The following RBFOX1 variants were observed in gnomAD, a reference collection of about 807,000 sequenced individuals.
RBFOX1 encodes RNA binding protein fox-1 homolog 1.
In RBFOX1, 8 loss-of-function variants were observed where a neutral mutation model predicts 57.7. The observed-to-expected ratio is 0.14, with a 90% CI of 0.08 to 0.25. RBFOX1 has a LOEUF of 0.25. RBFOX1 is among the 10% of genes least tolerant of loss of function. The probability of loss-of-function intolerance (pLI) is 1.00; values close to 1 mark genes in which losing one functional copy is unlikely to be tolerated. For synonymous variants in RBFOX1, 326 were observed against 222.4 expected (o/e 1.47, Z -4.15); for missense variants, 611 against 548.5 (o/e 1.11, Z -1.14).
intron 3 of RBFOX1, among the ~76,000 whole-genome samples, chr16:6,978,134 G>A (rs1486084306): frequency 1.4e-5 from 2 of 145,590 alleles, no homozygotes; most frequent in African/African-American, 2.5e-5. Flanking sequence ...CACAACAGCC[G>A]GGCATGATGC....
At chr16:5,862,958 C>G (rs1037633537) in intron 3 of RBFOX1, among the ~76,000 whole-genome samples, 16 of 152,248 alleles carry the variant, frequency 1.1e-4, no homozygotes, top group African/African-American at 3.9e-4. Flanking sequence ...TCCATTAACT[C>G]AGTCCGGACA....
intron 4 of RBFOX1, among the ~76,000 whole-genome samples, chr16:7,245,347 A>G (rs1219674577): frequency 6.6e-6 from 1 of 152,066 alleles, no homozygotes; most frequent in Non-Finnish European, 1.5e-5. Context: ...AGGTTCCAAG[A>G]TACATGTACA....
intron 1 of RBFOX1, among the ~76,000 whole-genome samples, chr16:6,257,053 G>C (rs2097672187): frequency 6.6e-6 from 1 of 152,118 alleles, no homozygotes; most frequent in African/African-American, 2.4e-5. Flanking sequence ...AGGAAGCACA[G>C]GGGTCATTTT....
chr16:5,389,214 A>AATAC (rs1270858457), intron 1 of RBFOX1, among the ~76,000 whole-genome samples: 1 of 151,854 alleles, frequency 6.6e-6, no homozygotes, highest in Admixed American at 6.6e-5. Context: ...TAAATAAATA[A>AATAC]AGGTAAGGTA....
intron 3 of RBFOX1, among the ~76,000 whole-genome samples, chr16:6,718,280 G>T (rs1372354581): frequency 6.6e-6 from 1 of 152,116 alleles, no homozygotes; most frequent in East Asian, 1.9e-4. Flanking sequence ...CACGTGCTGG[G>T]GTTGGAGTGG....
At chr16:6,954,040 A>G (rs2081287310) in intron 3 of RBFOX1, among the ~76,000 whole-genome samples, 1 of 152,184 alleles carries the variant, frequency 6.6e-6, no homozygotes, top group Admixed American at 6.5e-5. Context: ...ATATACCCCT[A>G]ATATGGCAAG....
chr16:6,854,705 C>A (rs1056437098), intron 3 of RBFOX1, among the ~76,000 whole-genome samples: 1 of 147,902 alleles, frequency 6.8e-6, no homozygotes, highest in South Asian at 2.2e-4. Context: ...AGTCGTTCTC[C>A]TGCGTCAGCC....
chr16:6,503,876 C>T (rs555030174), intron 2 of RBFOX1, among the ~76,000 whole-genome samples: 2 of 152,280 alleles, frequency 1.3e-5, no homozygotes, highest in Admixed American at 1.3e-4. Flanking sequence ...CTCTTTAAGG[C>T]AAGCCATGCA....
intron 5 of RBFOX1, among the ~76,000 whole-genome samples, chr16:7,555,389 C>A (rs1202472788): frequency 2.0e-5 from 3 of 152,052 alleles, no homozygotes; most frequent in Admixed American, 2.0e-4. Context: ...TAATAGACAC[C>A]AGTGTTACCT....
intron 2 of RBFOX1, among the ~76,000 whole-genome samples, chr16:5,584,742 G>T (rs2046778859): frequency 6.6e-6 from 1 of 152,068 alleles, no homozygotes; most frequent in South Asian, 2.1e-4. Flanking sequence ...CATTGCACCG[G>T]GGACTGTAGT....
intron 4 of RBFOX1, among the ~76,000 whole-genome samples, chr16:7,426,879 C>G (rs1367085972): frequency 6.6e-6 from 1 of 152,130 alleles, no homozygotes; most frequent in Non-Finnish European, 1.5e-5. Context: ...TCCTGCACGG[C>G]TTGTTAAAAC....
chr16:7,401,416 G>T (rs79818637), intron 4 of RBFOX1, among the ~76,000 whole-genome samples: 1 of 152,146 alleles, frequency 6.6e-6, no homozygotes, highest in East Asian at 1.9e-4. Context: ...AATAATGATA[G>T]GTGTTTTGGG....
chr16:7,194,625 A>T (rs540281354), intron 4 of RBFOX1, among the ~76,000 whole-genome samples: 1 of 152,150 alleles, frequency 6.6e-6, no homozygotes, highest in Non-Finnish European at 1.5e-5. Flanking sequence ...GTTTTATTAC[A>T]TTTAGAAAGT....
intron 3 of RBFOX1, among the ~76,000 whole-genome samples, chr16:6,731,761 C>A (rs1461952222): frequency 9.2e-5 from 14 of 152,118 alleles, no homozygotes; most frequent in South Asian, 4.2e-4. Context: ...ATGCTTTTTT[C>A]TTCCCTGTGC....
chr16:6,867,545 C>T (rs1333597242), intron 3 of RBFOX1, among the ~76,000 whole-genome samples: 1 of 152,030 alleles, frequency 6.6e-6, no homozygotes, highest in African/African-American at 2.4e-5. Flanking sequence ...ATGGCAAAAC[C>T]TCATCTCTAC....
At chr16:6,061,114 G>C (rs1329877018) in intron 1 of RBFOX1, among the ~76,000 whole-genome samples, 2 of 152,168 alleles carry the variant, frequency 1.3e-5, no homozygotes, top group Non-Finnish European at 2.9e-5. Flanking sequence ...CTTTTCAGAA[G>C]TCACCCCTAG....
At chr16:5,795,215 C>T (rs1325224670) in intron 3 of RBFOX1, among the ~76,000 whole-genome samples, 1 of 152,064 alleles carries the variant, frequency 6.6e-6, no homozygotes, top group Non-Finnish European at 1.5e-5. Flanking sequence ...GTTTCATATC[C>T]CCCCTCTCCC....
intron 3 of RBFOX1, among the ~76,000 whole-genome samples, chr16:5,606,257 G>A (rs928475706): frequency 2.0e-5 from 3 of 152,100 alleles, no homozygotes; most frequent in Non-Finnish European, 2.9e-5. Flanking sequence ...CTGTCCTCCA[G>A]TGTCCATGCC....
chr16:5,720,296 G>A (rs1280438421), intron 3 of RBFOX1, among the ~76,000 whole-genome samples: 1 of 152,148 alleles, frequency 6.6e-6, no homozygotes, highest in Non-Finnish European at 1.5e-5. Context: ...TGAGTTGTGA[G>A]AGTTGTTTAT....
Sources: gnomAD v4.1 joint callset for allele counts (sites outside exome capture counted in the v4.1 genomes callset) on GRCh38, gnomAD v4.1.1 for gene constraint, MANE v1.5 for transcripts, NCBI Gene and HGNC (gene_info 2026-07-23, HGNC 2026-07-21) for gene names.